Variants in TDRD3 observed in about 807,000 individuals in gnomAD.
The protein encoded by TDRD3 is tudor domain-containing protein 3.
Under a neutral mutation model 86.7 loss-of-function variants are expected in TDRD3, and 45 were observed. The ratio of observed to expected loss-of-function variants is 0.52; its 90% confidence interval spans 0.41 to 0.67. The LOEUF (loss-of-function observed/expected upper bound fraction) is 0.67. Ranked by LOEUF, TDRD3 falls within the 30% of genes least tolerant of loss-of-function variation. TDRD3 has a pLI of 0.00. For synonymous variants in TDRD3, 298 were observed against 301.7 expected, an observed-to-expected ratio of 0.99 and a Z score of 0.13; for missense variants, 814 against 889.0, an observed-to-expected ratio of 0.92 and a Z score of 1.07.
chr13:60,487,628 A>T (rs1385285125), intron 7 of TDRD3, among the ~76,000 whole-genome samples: 1 of 152,204 alleles, frequency 6.6e-6, no homozygotes, highest in Admixed American at 6.5e-5. Context: ...TCCCTCACGG[A>T]TACCAAAGGA....
chr13:60,422,100 G>A (rs1193069771), intron 1 of TDRD3, among the ~76,000 whole-genome samples: 1 of 152,154 alleles, frequency 6.6e-6, no homozygotes, highest in African/African-American at 2.4e-5. Context: ...TGATTTCAAA[G>A]AATAGGTACG....
At chr13:60,461,462 T>C (rs1301254367) in intron 4 of TDRD3, among the ~76,000 whole-genome samples, 2 of 152,330 alleles carry the variant, frequency 1.3e-5, no homozygotes, top group African/African-American at 4.8e-5. Context: ...TTCTGAGCTC[T>C]GTTTTCTGAG....
rs116860186 is a variant in TDRD3, at chr13:60,485,951, A to G, written c.717+3A>G. ...CTGAAGTTGCAAAGAGCAAGGAAGT[A>G]AGAAATCAAATCATTACACGTTTTA... On this transcript the variant is annotated splice_donor_region_variant and intron_variant, in intron 7 of 13. Transcript: ENST00000377881. 4.2e-3 allele frequency: 6,788 copies of G among 1,598,226 alleles called. 17 individuals carry two copies. The highest frequency in any genetic ancestry group is 5.1e-3 in the Non-Finnish European group (5,986 of 1,174,280).
At chr13:60,528,328 T>G (rs750364083) in intron 10 of TDRD3, 39 bp from the exon 11 acceptor site, 3 of 1,537,366 alleles carry the variant, frequency 2.0e-6, no homozygotes. Context: ...ATGCAGAGTC[T>G]TCATCTTAAT....
chr13:60,528,540 G>C lies in TDRD3; in HGVS notation c.1315G>C (p.Val439Leu). The C allele has an allele frequency of 1.9e-6, 3 of 1,614,028 alleles. No individual in the cohort carries two copies. The highest frequency in any genetic ancestry group is 8.5e-7 in the Non-Finnish European group (1 of 1,179,960). Residue 439 changes from valine to leucine, a missense_variant, in exon 11 of 14, where the codon GTT (valine) becomes CTT (leucine). Coordinates refer to ENST00000377881, the MANE Select transcript of TDRD3 (RefSeq NM_001146070.2). ...FQRDSQNSKS[V>L]LEGSGLPRNR... The stretch of plus-strand genomic sequence containing the variant: ...AAGAGACTCCCAAAATTCAAAGTCA[G>C]TTTTAGAAGGCAGTGGATTACCTAG...
At position 60,437,556 on chromosome 13, in the gene TDRD3, T is replaced by C. The variant is rs1182049957; in HGVS notation, c.42-2132T>C. 1.4e-4 allele frequency among the ~76,000 whole-genome samples: 22 copies of C among 151,850 alleles called. 1 individual carries two copies. The highest frequency in any genetic ancestry group is 1.0e-4 in the Non-Finnish European group (7 of 67,960). On this transcript the variant is annotated intron_variant, in intron 1 of 13. Coordinates refer to ENST00000377881, the MANE Select transcript of TDRD3 (RefSeq NM_001146070.2). ...TTTACATCTCTAGGACTCCTTCATCTGTAAAGTTGAAGAGGTGAATTTTGG... is the reference window on the plus strand; with the variant it reads ...TTTACATCTCTAGGACTCCTTCATCCGTAAAGTTGAAGAGGTGAATTTTGG...
intron 5 of TDRD3, among the ~76,000 whole-genome samples, chr13:60,481,419 A>G (rs1352369567): frequency 6.7e-6 from 1 of 149,724 alleles, no homozygotes; most frequent in Non-Finnish European, 1.5e-5. Context: ...CCAACCAGTC[A>G]CTGAAGATCT....
At chr13:60,523,518 T>A (rs1957336217) in intron 10 of TDRD3, among the ~76,000 whole-genome samples, 1 of 151,940 alleles carries the variant, frequency 6.6e-6, no homozygotes, top group Admixed American at 6.6e-5. Context: ...CCCACCTTGG[T>A]CTTTTAGATC....
intron 13 of TDRD3, among the ~76,000 whole-genome samples, chr13:60,572,258 A>G (rs1252269001): frequency 2.6e-5 from 4 of 152,216 alleles, no homozygotes; most frequent in Non-Finnish European, 5.9e-5. Context: ...GCTACAATAG[A>G]GAATATGAAC....
intron 1 of TDRD3, among the ~76,000 whole-genome samples, chr13:60,433,288 C>T (rs1955000177): frequency 6.6e-6 from 1 of 152,178 alleles, no homozygotes; most frequent in African/African-American, 2.4e-5. Context: ...CCAATTAAAA[C>T]ATTCCTCCTC....
chr13:60,423,956 A>G (rs550608185), intron 1 of TDRD3, among the ~76,000 whole-genome samples: 1 of 152,182 alleles, frequency 6.6e-6, no homozygotes, highest in African/African-American at 2.4e-5. Context: ...GAAAAACAGT[A>G]AATCTAGCAA....
At chr13:60,537,629 CTG>C (rs1217036788) in intron 12 of TDRD3, 1 of 151,964 alleles carries the variant, frequency 6.6e-6, no homozygotes, top group African/African-American at 2.4e-5. Context: ...AAGAAGGTAA[CTG>C]TAACTGATAA....
chr13:60,431,166 T>A (rs1211439118), intron 1 of TDRD3, among the ~76,000 whole-genome samples: 2 of 152,160 alleles, frequency 1.3e-5, no homozygotes, highest in East Asian at 3.9e-4. Context: ...TAGTAGTCTA[T>A]TTTATTTTCT....
intron 12 of TDRD3, among the ~76,000 whole-genome samples, chr13:60,565,039 A>ACC (rs1958417803): frequency 9.6e-6 from 1 of 104,286 alleles, no homozygotes; most frequent in African/African-American, 4.7e-5. Context: ...AACTATCAGT[A>ACC]TCTTTTTTTT....
intron 5 of TDRD3, among the ~76,000 whole-genome samples, chr13:60,482,185 T>A (rs1040267923): frequency 7.2e-5 from 11 of 152,216 alleles, no homozygotes; most frequent in African/African-American, 2.4e-4. Context: ...TTCTTTATTA[T>A]GACAGGTTCT....
intron 12 of TDRD3, among the ~76,000 whole-genome samples, chr13:60,540,837 T>C (rs1379516550): frequency 1.3e-5 from 2 of 152,180 alleles, no homozygotes; most frequent in Non-Finnish European, 1.5e-5. Context: ...AATGAAAATA[T>C]AGATTATGTT....
chr13:60,496,298 T>C (rs1199077585), intron 8 of TDRD3, among the ~76,000 whole-genome samples: 1 of 13,708 alleles, frequency 7.3e-5, no homozygotes, highest in Non-Finnish European at 1.4e-4. Flanking sequence ...CATATATATA[T>C]ATATATATAT....
chr13:60,478,459 C>A (rs899796988), intron 5 of TDRD3, among the ~76,000 whole-genome samples: 9 of 151,872 alleles, frequency 5.9e-5, no homozygotes, highest in African/African-American at 1.9e-4. Flanking sequence ...CCCGTGCCAC[C>A]ACATGTGGCT....
intron 12 of TDRD3, among the ~76,000 whole-genome samples, chr13:60,542,670 G>A (rs924675768): frequency 6.6e-6 from 1 of 152,132 alleles, no homozygotes; most frequent in African/African-American, 2.4e-5. Context: ...ACCATAATGA[G>A]TTGTCAGTTG....
Sources: allele counts gnomAD v4.1 joint callset (sites outside exome capture counted in the v4.1 genomes callset), GRCh38; gene constraint gnomAD v4.1.1; transcripts MANE v1.5; gene names NCBI Gene and HGNC (gene_info 2026-07-23, HGNC 2026-07-21).